SGK1: variants seen among roughly 807,000 people sequenced by gnomAD.
SGK1 encodes serum/glucocorticoid regulated kinase 1.
A neutral mutation model predicts 64.2 loss-of-function variants in SGK1; 26 were observed. The ratio of observed to expected loss-of-function variants is 0.40; its 90% CI spans 0.30 to 0.56. SGK1 has a LOEUF of 0.56. SGK1 is among the 20% of genes least tolerant of loss of function. SGK1 has a pLI of 0.38. For synonymous variants in SGK1, 265 were observed against 239.7 expected (o/e 1.11, Z -0.98); for missense variants, 519 against 645.6 (o/e 0.80, Z 2.12).
intron 3 of SGK1, among the ~76,000 whole-genome samples, chr6:134,207,115 A>G (rs1217599807): frequency 6.6e-6 from 1 of 151,874 alleles, no homozygotes; most frequent in East Asian, 1.9e-4. Flanking sequence ...AGTCCCAGCT[A>G]CTCGGGAGGC....
rs1213212504 is a variant in SGK1, at chr6:134,270,665, T to C, written c.70-8517A>G. Reference sequence around the variant, plus strand: ...CTCACCTTGACCTAGTTGCATCCTCTTCTAGATTCTCAGGGGCCAACCTGT... The same window carrying C: ...CTCACCTTGACCTAGTTGCATCCTCCTCTAGATTCTCAGGGGCCAACCTGT... On this transcript the variant is annotated intron_variant, in intron 1 of 13. Coordinates refer to ENST00000367858, the MANE Select transcript of SGK1 (RefSeq NM_001143676.3). Among the ~76,000 whole-genome samples, 3 of 148,300 alleles carry C rather than the reference T, an allele frequency of 2.0e-5. 1 individual carries two copies. The highest frequency in any genetic ancestry group is 4.5e-5 in the Non-Finnish European group (3 of 66,850).
intron 1 of SGK1, among the ~76,000 whole-genome samples, chr6:134,315,735 A>G (rs1486305410): frequency 6.6e-6 from 1 of 152,114 alleles, no homozygotes; most frequent in Non-Finnish European, 1.5e-5. Flanking sequence ...TTAGCAAAAC[A>G]TTTGTTTATT....
At chr6:134,230,940 G>C (rs1169567672) in intron 2 of SGK1, among the ~76,000 whole-genome samples, 1 of 152,130 alleles carries the variant, frequency 6.6e-6, no homozygotes, top group African/African-American at 2.4e-5. Flanking sequence ...CTTGAACCTG[G>C]GAGGCAGAGG....
At chr6:134,267,691 G>A (rs541847071) in intron 1 of SGK1, among the ~76,000 whole-genome samples, 8 of 152,130 alleles carry the variant, frequency 5.3e-5, no homozygotes, top group Admixed American at 4.6e-4. Flanking sequence ...GGATCATTGC[G>A]GGTGGAGGGC....
chr6:134,197,019 G>A (rs1012361422), intron 3 of SGK1, among the ~76,000 whole-genome samples: 1 of 152,160 alleles, frequency 6.6e-6, no homozygotes, highest in Non-Finnish European at 1.5e-5. Context: ...GATCACTTGA[G>A]CTTAGGAGTT....
At chr6:134,239,351 C>G (rs1776409170) in intron 2 of SGK1, among the ~76,000 whole-genome samples, 1 of 152,204 alleles carries the variant, frequency 6.6e-6, no homozygotes, top group Non-Finnish European at 1.5e-5. Context: ...TGACCTGGAT[C>G]TAAAACCATG....
intron 1 of SGK1, among the ~76,000 whole-genome samples, chr6:134,290,618 G>C (rs570725934): frequency 6.6e-6 from 1 of 152,084 alleles, no homozygotes; most frequent in Non-Finnish European, 1.5e-5. Flanking sequence ...CAATAACTTA[G>C]GGGAGGAAAA....
chr6:134,179,363 T>G (rs906449942), intron 3 of SGK1, among the ~76,000 whole-genome samples: 1 of 152,096 alleles, frequency 6.6e-6, no homozygotes, highest in Non-Finnish European at 1.5e-5. Flanking sequence ...AACCTTTCCC[T>G]GGAACACCCT....
intron 2 of SGK1, among the ~76,000 whole-genome samples, chr6:134,210,754 GTGAGCCGAGAT>G (rs905768656): frequency 2.0e-5 from 3 of 149,386 alleles, no homozygotes; most frequent in African/African-American, 5.0e-5. Context: ...AGAAGTTGAG[GTGAGCCGAGAT>G]TGTGTCACGG....
chr6:134,196,551 CA>C (rs1775597073), intron 3 of SGK1, among the ~76,000 whole-genome samples: 1 of 152,180 alleles, frequency 6.6e-6, no homozygotes, highest in East Asian at 1.9e-4. Flanking sequence ...GTGGCAAACT[CA>C]GAAGGCCTGA....
chr6:134,250,326 T>C (rs1162192052), intron 2 of SGK1, among the ~76,000 whole-genome samples: 2 of 152,222 alleles, frequency 1.3e-5, no homozygotes, highest in Admixed American at 6.5e-5. Context: ...GTGGTTTTCT[T>C]ACGGAACAGA....
rs184813862 is a variant in SGK1 at position 134,172,953 on chromosome 6, T to C, written c.834+70A>G. ...TCCCCACCAAAAATCTTTGAAAACT[T>C]TTTTCTCAAACTAAAACAAAGCAGG... On this transcript the variant is annotated intron_variant, in intron 8 of 13. Coordinates refer to ENST00000367858, the MANE Select transcript of SGK1 (RefSeq NM_001143676.3). The C allele has an allele frequency of 1.2e-5, 19 of 1,538,094 alleles. No homozygotes were observed. The African/African-American group carries it at 2.4e-4, about 19-fold the overall frequency.
rs748285414 is a variant in SGK1, at chr6:134,262,135, A to T, written c.83T>A (p.Ile28Asn). The change falls in exon 2 of 14, where the codon ATC becomes AAC. Residue 28 changes from isoleucine (I) to asparagine (N), a missense_variant. By Grantham distance (149) the Ile-to-Asn change is moderately radical (BLOSUM62 -3). This residue lies in a region of SGK1 where 241 missense variants were observed against 236.9 expected (regional missense o/e 1.02). Coordinates refer to ENST00000367858, the MANE Select transcript of SGK1 (RefSeq NM_001143676.3). ...GTCCACACTGACCATTGGGCTCTTG[A>T]TCCACCTTCGTACCTGCAATGTGCA... Reference protein sequence around the residue: ...QFFKKRVRRWIKSPMVSVDKH... With the variant: ...QFFKKRVRRWNKSPMVSVDKH... 1 of 1,587,518 alleles carries T rather than the reference A, an allele frequency of 6.3e-7. No individual in the cohort carries two copies. The highest frequency in any genetic ancestry group is 1.1e-5 in the South Asian group (1 of 89,384).
intron 11 of SGK1, 28 bp from the exon 12 acceptor site, chr6:134,171,206 C>T (rs1775011324): frequency 6.2e-7 from 1 of 1,610,538 alleles, no homozygotes; most frequent in Non-Finnish European, 8.5e-7. Flanking sequence ...TTACTTTAGA[C>T]TTAATTGGAA....
chr6:134,172,984 CAG>C (rs1775080371), intron 8 of SGK1, 37 bp downstream of exon 8: 1 of 1,587,678 alleles, frequency 6.3e-7, no homozygotes, highest in Non-Finnish European at 8.6e-7. Flanking sequence ...GCAGGCTGTG[CAG>C]AGACACTAAG....
At chr6:134,223,344 G>A (rs1217126421) in intron 2 of SGK1, among the ~76,000 whole-genome samples, 3 of 148,660 alleles carry the variant, frequency 2.0e-5, no homozygotes, top group African/African-American at 7.4e-5. Flanking sequence ...CTCAAGCCTG[G>A]GCAACAAGAG....
At chr6:134,183,715 TG>T (rs575011859) in intron 3 of SGK1, among the ~76,000 whole-genome samples, 78 of 152,228 alleles carry the variant, frequency 5.1e-4, no homozygotes, top group Admixed American at 2.8e-3. Flanking sequence ...GCTCTGATTT[TG>T]TACAGTTCTA....
At chr6:134,297,189 T>C (rs7768527) in intron 1 of SGK1, 1 of 762,826 alleles carries the variant, frequency 1.3e-6, no homozygotes, top group South Asian at 1.3e-5. Flanking sequence ...GGTCTTCGTA[T>C]GGATACTCAC....
chr6:134,174,663 C>A (rs918709013), intron 3 of SGK1, 77 bp from the exon 4 acceptor site: 2 of 1,609,228 alleles, frequency 1.2e-6, no homozygotes, highest in African/African-American at 1.3e-5. Context: ...CTAATCTGAT[C>A]CGGGACTTTC....
Sources: gnomAD v4.1 joint callset for allele counts (sites outside exome capture counted in the v4.1 genomes callset) on GRCh38, gnomAD v4.1.1 for gene constraint, gnomAD v4.1.1 regional missense constraint, MANE v1.5 for transcripts, NCBI Gene and HGNC (gene_info 2026-07-23, HGNC 2026-07-21) for gene names.